SULF1: variants seen among roughly 807,000 people sequenced by gnomAD.
SULF1 encodes extracellular sulfatase Sulf-1.
In SULF1, 46 loss-of-function variants were observed where a neutral mutation model predicts 110.5. The ratio of observed to expected loss-of-function variants is 0.42; its 90% confidence interval spans 0.33 to 0.53. The LOEUF (loss-of-function observed/expected upper bound fraction) is 0.53, where lower values mean the gene tolerates loss of function less well. Ranked by LOEUF, SULF1 falls within the 20% of genes least tolerant of loss-of-function variation. The pLI is 0.12. For synonymous variants in SULF1, 371 were observed against 387.1 expected, an observed-to-expected ratio of 0.96 and a Z score of 0.49; for missense variants, 941 against 1,094.2, an observed-to-expected ratio of 0.86 and a Z score of 1.98.
chr8:69,545,794 T>C (rs1814219594), intron 3 of SULF1, among the ~76,000 whole-genome samples: 1 of 152,222 alleles, frequency 6.6e-6, no homozygotes. Context: ...CCTTCCAGGT[T>C]CAAGCAATTC....
intron 3 of SULF1, among the ~76,000 whole-genome samples, chr8:69,512,612 T>G (rs1272331960): frequency 6.6e-6 from 1 of 152,224 alleles, no homozygotes; most frequent in East Asian, 1.9e-4. Flanking sequence ...AAAGAGAAGC[T>G]GTGTGCAGAA....
At chr8:69,609,837 G>A (rs547761668) in intron 13 of SULF1, among the ~76,000 whole-genome samples, 12 of 152,208 alleles carry the variant, frequency 7.9e-5, no homozygotes, top group Admixed American at 3.9e-4. Flanking sequence ...CTCTGGGTAT[G>A]AGACCCAGGT....
At chr8:69,518,365 T>G (rs1480101262) in intron 3 of SULF1, among the ~76,000 whole-genome samples, 5 of 152,248 alleles carry the variant, frequency 3.3e-5, no homozygotes, top group African/African-American at 1.2e-4. Flanking sequence ...CCATCATCTC[T>G]GAGTCTTTTT....
intron 5 of SULF1, among the ~76,000 whole-genome samples, chr8:69,568,662 C>A (rs969662744): frequency 1.3e-5 from 2 of 152,076 alleles, no homozygotes; most frequent in African/African-American, 4.8e-5. Flanking sequence ...TTGCTTTTCC[C>A]ACAACTTAAG....
chr8:69,565,994 G>A (rs190351138), intron 5 of SULF1, among the ~76,000 whole-genome samples: 9 of 151,774 alleles, frequency 5.9e-5, no homozygotes, highest in African/African-American at 7.3e-5. Context: ...CATGTCATGC[G>A]CTTGGTGTTC....
At chr8:69,552,163 A>G (rs978958805) in intron 3 of SULF1, among the ~76,000 whole-genome samples, 2 of 152,202 alleles carry the variant, frequency 1.3e-5, no homozygotes, top group African/African-American at 4.8e-5. Context: ...AGACCTCTAG[A>G]TGATTCTGAT....
chr8:69,537,935 T>C (rs572036300), intron 3 of SULF1, among the ~76,000 whole-genome samples: 39 of 151,602 alleles, frequency 2.6e-4, no homozygotes, highest in African/African-American at 7.0e-4. Context: ...AAAAAAGTAA[T>C]TTTCTCAAGT....
chr8:69,480,717 A>T (rs960701057), intron 1 of SULF1, among the ~76,000 whole-genome samples: 7 of 152,202 alleles, frequency 4.6e-5, no homozygotes, highest in Non-Finnish European at 1.0e-4. Context: ...ACTATAAGGA[A>T]TAACAATTTA....
chr8:69,492,181 A>G (rs191467518), upstream of SULF1, among the ~76,000 whole-genome samples: 1,138 of 152,056 alleles, frequency 7.5e-3, 7 homozygotes, highest in Non-Finnish European at 0.012. Context: ...ATAATAATTT[A>G]AAGAAAATAT....
chr8:69,601,224 A>G (rs556007110), intron 9 of SULF1, among the ~76,000 whole-genome samples: 6 of 152,250 alleles, frequency 3.9e-5, no homozygotes, highest in Non-Finnish European at 7.3e-5. Context: ...ACTTTGAAAC[A>G]TAGTATAAGC....
At chr8:69,518,143 G>C (rs1812062077) in intron 3 of SULF1, among the ~76,000 whole-genome samples, 2 of 152,072 alleles carry the variant, frequency 1.3e-5, no homozygotes, top group Non-Finnish European at 2.9e-5. Flanking sequence ...AAGTTACACT[G>C]TATGTCAGAC....
chr8:69,475,748 AAT>A (rs1429738398), intron 1 of SULF1, among the ~76,000 whole-genome samples: 1 of 152,212 alleles, frequency 6.6e-6, no homozygotes, highest in African/African-American at 2.4e-5. Flanking sequence ...TGTGTATATC[AAT>A]GTTTAATAAT....
At chr8:69,553,254 A>G (rs1293936873) in intron 3 of SULF1, among the ~76,000 whole-genome samples, 3 of 152,238 alleles carry the variant, frequency 2.0e-5, no homozygotes, top group Non-Finnish European at 4.4e-5. Flanking sequence ...ATGATCATTT[A>G]CATTTATCCT....
chr8:69,642,424 T>G, intron 22 of SULF1: 2 of 985,656 alleles, frequency 2.0e-6, no homozygotes, highest in Non-Finnish European at 2.4e-6. Flanking sequence ...TTTTTCTATT[T>G]TCTCTTGTTC....
In SULF1 at chr8:69,646,311, G is replaced by T. The variant is rs113876568; in HGVS notation, c.2585+5470G>T. Among the ~76,000 whole-genome samples the T allele has an allele frequency of 7.1e-3, 1,087 of 152,294 alleles. 16 individuals carry two copies. The highest frequency in any genetic ancestry group is 0.025 in the African/African-American group (1,044 of 41,558). On this transcript the variant is annotated intron_variant, in intron 22 of 22. Transcript: ENST00000402687. ...CCATCACTTCCCAATTTGAGGACCA[G>T]TTGCTAACAGTATTACAACACTTAC...
intron 13 of SULF1, among the ~76,000 whole-genome samples, chr8:69,609,361 A>C (rs1466709832): frequency 1.3e-5 from 2 of 152,040 alleles, no homozygotes; most frequent in Non-Finnish European, 1.5e-5. Flanking sequence ...AACAAAACTA[A>C]AATAACAGAA....
chr8:69,597,162 G>A (rs1409470738), intron 8 of SULF1: 1 of 152,218 alleles, frequency 6.6e-6, no homozygotes, highest in Non-Finnish European at 1.5e-5. Flanking sequence ...TCCTTAGTTA[G>A]GAAAGCAAGC....
chr8:69,562,246 G>T (rs901953448), intron 3 of SULF1, among the ~76,000 whole-genome samples: 1 of 152,208 alleles, frequency 6.6e-6, no homozygotes, highest in Non-Finnish European at 1.5e-5. Context: ...GTGTGTTTGT[G>T]TAAAACAAAA....
chr8:69,539,177 A>G (rs563511000), intron 3 of SULF1, among the ~76,000 whole-genome samples: 2 of 152,276 alleles, frequency 1.3e-5, no homozygotes, highest in South Asian at 2.1e-4. Context: ...CTCTGAGTGG[A>G]AATACCTTAG....
Sources: allele counts gnomAD v4.1 joint callset (sites outside exome capture counted in the v4.1 genomes callset), GRCh38; gene constraint gnomAD v4.1.1; transcripts MANE v1.5; gene names NCBI Gene and HGNC (gene_info 2026-07-23, HGNC 2026-07-21).